Variants in SGCD observed in about 807,000 individuals in gnomAD.
SGCD encodes the protein sarcoglycan delta, also known as delta-sarcoglycan.
Under a neutral mutation model 36.6 loss-of-function variants are expected in SGCD, and 18 were observed. The observed-to-expected ratio is 0.49, with a 90% CI of 0.34 to 0.73. The LOEUF is 0.73. Among genes scored for constraint, SGCD ranks in the 30% least tolerant of loss-of-function variants. The pLI is 0.01. For missense variants in SGCD, 387 were observed against 346.7 expected, an observed-to-expected ratio of 1.12 and a Z score of -0.92; for synonymous variants, 133 against 130.6, an observed-to-expected ratio of 1.02 and a Z score of -0.12.
chr5:156,606,147 TA>T (rs1181430539), intron 6 of SGCD, among the ~76,000 whole-genome samples: 1 of 152,202 alleles, frequency 6.6e-6, no homozygotes, highest in African/African-American at 2.4e-5. Context: ...TGGTATTGCC[TA>T]GGTTTTCTTC....
chr5:155,814,916 A>T, the SGCD span, among the ~76,000 whole-genome samples: 2 of 152,228 alleles, frequency 1.3e-5, no homozygotes, highest in Non-Finnish European at 1.5e-5. Flanking sequence ...ATTAATGGAC[A>T]TGTTTCTGTA....
chr5:156,741,289 A>T (rs1216324348), intron 7 of SGCD, among the ~76,000 whole-genome samples: 2 of 152,248 alleles, frequency 1.3e-5, no homozygotes, highest in Non-Finnish European at 2.9e-5. Context: ...TTCAACAAAA[A>T]ATGAGCCTGA....
chr5:156,185,785 GC>G (rs1446038788), intron 3 of SGCD, among the ~76,000 whole-genome samples: 1 of 141,442 alleles, frequency 7.1e-6, no homozygotes. Flanking sequence ...AAAACAGTGG[GC>G]TGTGATTTTT....
intron 1 of SGCD, among the ~76,000 whole-genome samples, chr5:156,055,158 T>C (rs1760028090): frequency 6.9e-6 from 1 of 145,940 alleles, no homozygotes; most frequent in South Asian, 2.1e-4. Flanking sequence ...ATTTTTTTTT[T>C]TCCCCATAGA....
chr5:156,288,301 G>A (rs1014778271), intron 3 of SGCD, among the ~76,000 whole-genome samples: 3 of 152,098 alleles, frequency 2.0e-5, no homozygotes, highest in African/African-American at 7.2e-5. Context: ...ATCTAACATA[G>A]TGGAACTAAG....
At chr5:155,914,978 A>C (rs969242755) in intron 1 of SGCD, among the ~76,000 whole-genome samples, 1 of 152,206 alleles carries the variant, frequency 6.6e-6, no homozygotes, top group African/African-American at 2.4e-5. Flanking sequence ...AGTTGCATAA[A>C]ATTAGACCAC....
At chr5:156,370,623 A>G (rs138870484) in intron 3 of SGCD, among the ~76,000 whole-genome samples, 39 of 152,306 alleles carry the variant, frequency 2.6e-4, no homozygotes, top group African/African-American at 7.2e-4. Flanking sequence ...ATTTCTAGTA[A>G]ACGTTGACAT....
At chr5:156,619,774 T>A (rs552690898) in intron 6 of SGCD, among the ~76,000 whole-genome samples, 1 of 152,328 alleles carries the variant, frequency 6.6e-6, no homozygotes, top group South Asian at 2.1e-4. Context: ...TCTCCTTTAT[T>A]GGAAAGACTT....
In SGCD at chr5:156,051,099, AT is replaced by A. The variant is rs1029031874; in HGVS notation, c.-281-66775del. Reference sequence around the variant, plus strand: ...AGCTGAAATAAACACTAAGCATTTCATTTTAAAAAAGGTTTGTTTGCCTTCT... The same window carrying A: ...AGCTGAAATAAACACTAAGCATTTCATTTAAAAAAGGTTTGTTTGCCTTCT... On this transcript the variant is annotated intron_variant, in intron 1 of 9. Transcript: ENST00000517913. Among the ~76,000 whole-genome samples, 17 of 146,730 alleles carry A rather than the reference AT, an allele frequency of 1.2e-4. 2 individuals carry two copies. The highest frequency in any genetic ancestry group is 1.1e-4 in the Non-Finnish European group (7 of 65,098).
chr5:155,742,515 CATGAGGATTCAG>C, the SGCD span, among the ~76,000 whole-genome samples: 1 of 152,128 alleles, frequency 6.6e-6, no homozygotes, highest in Non-Finnish European at 1.5e-5. Flanking sequence ...ACAATGAACC[CATGAGGATTCAG>C]AGAAGGAAGT....
At chr5:155,849,412 C>T in the SGCD span, among the ~76,000 whole-genome samples, 1 of 151,646 alleles carries the variant, frequency 6.6e-6, no homozygotes, top group East Asian at 1.9e-4. Context: ...CACACACCCA[C>T]CACCCCCCTC....
chr5:156,323,021 C>T (rs1330839033), upstream of SGCD, among the ~76,000 whole-genome samples: 1 of 152,012 alleles, frequency 6.6e-6, no homozygotes, highest in Non-Finnish European at 1.5e-5. Flanking sequence ...GGGGTGGGAC[C>T]CTGGCTCTAG....
At chr5:156,360,448 A>G (rs963783849) in intron 3 of SGCD, among the ~76,000 whole-genome samples, 4 of 152,000 alleles carry the variant, frequency 2.6e-5, no homozygotes, top group Non-Finnish European at 5.9e-5. Flanking sequence ...GGGTTTCACC[A>G]TGTTGGCCAG....
chr5:155,795,183 C>T, the SGCD span, among the ~76,000 whole-genome samples: 1 of 152,012 alleles, frequency 6.6e-6, no homozygotes, highest in Admixed American at 6.5e-5. Context: ...AGTGTAAGTT[C>T]TTCCTCAAGG....
intron 1 of SGCD, among the ~76,000 whole-genome samples, chr5:156,054,838 C>T (rs915582064): frequency 5.5e-5 from 8 of 146,588 alleles, no homozygotes; most frequent in African/African-American, 1.5e-4. Flanking sequence ...AATACACAAA[C>T]AGGGTTACTG....
intron 6 of SGCD, among the ~76,000 whole-genome samples, chr5:156,638,478 C>T (rs916341218): frequency 3.9e-5 from 6 of 152,250 alleles, no homozygotes; most frequent in South Asian, 4.1e-4. Context: ...CCCTTGAGCA[C>T]GGCTCTCTCA....
chr5:156,746,695 A>G (rs954434919), intron 7 of SGCD, among the ~76,000 whole-genome samples: 3 of 152,232 alleles, frequency 2.0e-5, no homozygotes, highest in African/African-American at 2.4e-5. Context: ...AATGAACACT[A>G]TTCTTAAAAA....
intron 3 of SGCD, among the ~76,000 whole-genome samples, chr5:156,392,627 AG>A (rs1771640027): frequency 6.6e-6 from 1 of 152,214 alleles, no homozygotes; most frequent in Non-Finnish European, 1.5e-5. Context: ...TCTGTATCCC[AG>A]GGTTCTTGCC....
chr5:156,591,604 G>A (rs761202785), intron 5 of SGCD, among the ~76,000 whole-genome samples: 44 of 152,196 alleles, frequency 2.9e-4, no homozygotes, highest in Non-Finnish European at 6.0e-4. Context: ...CATGGAGACT[G>A]TTGATGCATT....
Sources: gnomAD v4.1 joint callset for allele counts (sites outside exome capture counted in the v4.1 genomes callset) on GRCh38, gnomAD v4.1.1 for gene constraint, MANE v1.5 for transcripts, NCBI Gene and HGNC (gene_info 2026-07-23, HGNC 2026-07-21) for gene names.